The following MALRD1 variants were observed in gnomAD, a reference collection of about 807,000 sequenced individuals.
MALRD1 encodes the protein MAM and LDL-receptor class A domain-containing protein 1.
MALRD1 carries 247 observed loss-of-function variants against 242.1 expected under a neutral mutation model. The ratio of observed to expected loss-of-function variants is 1.02; its 90% confidence interval spans 0.92 to 1.13. The LOEUF (loss-of-function observed/expected upper bound fraction) is 1.13. MALRD1 is among the 50% of genes most tolerant of loss of function. The pLI is 0.00. For synonymous variants in MALRD1, 995 were observed against 866.6 expected (o/e 1.15, Z -2.60); for missense variants, 2,989 against 2,533.1 (o/e 1.18, Z -3.86).
chr10:19,526,996 G>C (rs1327677685), intron 31 of MALRD1, among the ~76,000 whole-genome samples: 2 of 152,066 alleles, frequency 1.3e-5, no homozygotes, highest in African/African-American at 4.8e-5. Context: ...GGGCCCAAAA[G>C]ACACACACCC....
At chr10:19,511,616 T>G (rs1448479133) in intron 31 of MALRD1, among the ~76,000 whole-genome samples, 2 of 152,208 alleles carry the variant, frequency 1.3e-5, no homozygotes, top group East Asian at 3.9e-4. Flanking sequence ...TATGTGAATC[T>G]AAAAGTCTAA....
At chr10:19,180,874 A>G (rs1335616471) in intron 14 of MALRD1, among the ~76,000 whole-genome samples, 4 of 152,234 alleles carry the variant, frequency 2.6e-5, no homozygotes, top group African/African-American at 9.6e-5. Flanking sequence ...TCAGAAATAG[A>G]TAAATAGATA....
chr10:19,679,940 T>A (rs914837940), intron 36 of MALRD1, among the ~76,000 whole-genome samples: 7 of 152,214 alleles, frequency 4.6e-5, no homozygotes, highest in African/African-American at 1.7e-4. Flanking sequence ...TTGTTCAATT[T>A]CCATGTAGTT....
intron 26 of MALRD1, among the ~76,000 whole-genome samples, chr10:19,369,381 GA>G (rs1406980485): frequency 9.1e-6 from 1 of 110,466 alleles, no homozygotes; most frequent in Non-Finnish European, 1.8e-5. Context: ...ACAACATATT[GA>G]AATATATTTA....
chr10:19,317,092 T>C (rs1842737555), intron 21 of MALRD1, among the ~76,000 whole-genome samples: 1 of 151,518 alleles, frequency 6.6e-6, no homozygotes, highest in Non-Finnish European at 1.5e-5. Flanking sequence ...TAAAGAATGC[T>C]AGTACTATTG....
Position 19,087,872 on chromosome 10 carries a change from T to A in MALRD1, c.373T>A (p.Ser125Thr). Residue 125 changes from serine (S) to threonine (T), a missense_variant, in exon 3 of 40, where the codon TCT becomes ACT. Physicochemically the swap from Ser to Thr is moderately conservative, Grantham distance 58 (BLOSUM62 1). Coordinates refer to ENST00000454679, the MANE Select transcript of MALRD1 (RefSeq NM_001142308.3). ...CCTCTCACTGGTTTCCAGAGTGGATTCTATTTCCTCAAGTTTAAGAAGCAG... is the reference window on the plus strand; with the variant it reads ...CCTCTCACTGGTTTCCAGAGTGGATACTATTTCCTCAAGTTTAAGAAGCAG... ...HFLSLVSRVD[S>T]ISSSLRSRVF... 8.1e-7 allele frequency: 1 copy of A among 1,233,378 alleles called. No homozygotes were observed. The highest frequency in any genetic ancestry group is 1.0e-6 in the Non-Finnish European group (1 of 987,782). 76.4% of individuals were successfully genotyped at this position (1,233,378 alleles called of 1,614,324 possible). A position where few individuals can be genotyped will look rare whatever the true frequency, so the allele number is the denominator to read the frequency against.
intron 28 of MALRD1, among the ~76,000 whole-genome samples, chr10:19,437,091 A>ATT (rs5783675): frequency 1.9e-4 from 29 of 151,890 alleles, no homozygotes; most frequent in East Asian, 1.6e-3. Context: ...AACGAGTGTG[A>ATT]TTTTTTTGTA....
intron 28 of MALRD1, among the ~76,000 whole-genome samples, chr10:19,435,879 G>T (rs1352280016): frequency 6.6e-6 from 1 of 152,056 alleles, no homozygotes; most frequent in African/African-American, 2.4e-5. Context: ...TTTAGCATGG[G>T]ATATTTATCT....
chr10:19,683,092 C>T (rs1299303544), intron 36 of MALRD1, among the ~76,000 whole-genome samples: 12 of 150,108 alleles, frequency 8.0e-5, no homozygotes, highest in Admixed American at 7.3e-4. Flanking sequence ...CCACGTAGTT[C>T]AAGACCAGCC....
rs1564440499 is a variant in MALRD1 at position 19,171,651 on chromosome 10, T to TGTCTATGTGTGTATATAAATACACACAC, written c.1831-3557_1831-3556insGTCTATGTGTGTATATAAATACACACAC. Among the ~76,000 whole-genome samples the TGTCTATGTGTGTATATAAATACACACAC allele has an allele frequency of 4.5e-3, 545 of 120,522 alleles. 15 individuals are homozygous for TGTCTATGTGTGTATATAAATACACACAC. Among genetic ancestry groups the TGTCTATGTGTGTATATAAATACACACAC allele is most frequent in the Non-Finnish European group, 6.2e-3 (344 of 55,682 alleles). 79.1% of individuals were successfully genotyped at this position (120,522 alleles called of 152,430 possible). On this transcript the variant is annotated intron_variant, in intron 13 of 39. Coordinates refer to ENST00000454679, the MANE Select transcript of MALRD1 (RefSeq NM_001142308.3). ...GTGTATATAAATACACACACACATA[T>TGTCTATGTGTGTATATAAATACACACAC]ATATGTCTATGTGTGTATATAAATA...
chr10:19,558,074 A>T (rs1425926399), intron 32 of MALRD1, among the ~76,000 whole-genome samples: 1 of 152,100 alleles, frequency 6.6e-6, no homozygotes, highest in Non-Finnish European at 1.5e-5. Flanking sequence ...TATAAAAAAT[A>T]ACTAAATTTG....
chr10:19,608,428 G>A (rs1838738428), intron 35 of MALRD1, among the ~76,000 whole-genome samples: 1 of 151,836 alleles, frequency 6.6e-6, no homozygotes, highest in Admixed American at 6.6e-5. Context: ...GTATATATCT[G>A]TCATTATACT....
At chr10:19,439,585 T>A (rs1241596970) in intron 28 of MALRD1, among the ~76,000 whole-genome samples, 1 of 151,918 alleles carries the variant, frequency 6.6e-6, no homozygotes, top group Non-Finnish European at 1.5e-5. Context: ...ATAAAACCGG[T>A]GCAGGAACAA....
chr10:19,382,767 T>C (rs1845892585), intron 26 of MALRD1, among the ~76,000 whole-genome samples: 1 of 152,150 alleles, frequency 6.6e-6, no homozygotes, highest in African/African-American at 2.4e-5. Context: ...GTAGGAGCTG[T>C]TAGTATACTA....
At chr10:19,361,798 T>C (rs1844907413) in intron 26 of MALRD1, among the ~76,000 whole-genome samples, 2 of 152,132 alleles carry the variant, frequency 1.3e-5, no homozygotes, top group Non-Finnish European at 1.5e-5. Context: ...TACATTCTGC[T>C]TAAAATATTT....
chr10:19,258,275 T>C (rs377662568), intron 19 of MALRD1, among the ~76,000 whole-genome samples: 14 of 152,168 alleles, frequency 9.2e-5, no homozygotes, highest in African/African-American at 2.7e-4. Flanking sequence ...TCCAGACTCA[T>C]ATACTCACTA....
intron 30 of MALRD1, among the ~76,000 whole-genome samples, chr10:19,494,204 G>A (rs917324967): frequency 6.6e-6 from 1 of 152,182 alleles, no homozygotes; most frequent in African/African-American, 2.4e-5. Flanking sequence ...CAAACCAAAG[G>A]CAAGAAGTCA....
chr10:19,266,315 T>A (rs560188562), intron 19 of MALRD1, among the ~76,000 whole-genome samples: 42 of 152,020 alleles, frequency 2.8e-4, no homozygotes, highest in African/African-American at 8.9e-4. Context: ...TATCTTCCAT[T>A]GTGATTTGAT....
At chr10:19,298,486 A>G (rs1400277250) in intron 21 of MALRD1, among the ~76,000 whole-genome samples, 1 of 151,934 alleles carries the variant, frequency 6.6e-6, no homozygotes, top group Non-Finnish European at 1.5e-5. Context: ...ACAAAGGGAA[A>G]GAAAGGGAAG....
Sources: gnomAD v4.1 joint callset for allele counts (sites outside exome capture counted in the v4.1 genomes callset) on GRCh38, gnomAD v4.1.1 for gene constraint, MANE v1.5 for transcripts, NCBI Gene and HGNC (gene_info 2026-07-23, HGNC 2026-07-21) for gene names.